JPH1: variants seen among roughly 807,000 people sequenced by gnomAD.
The protein encoded by JPH1 is junctophilin-1.
In JPH1, 12 loss-of-function variants were observed where a neutral mutation model predicts 53.6. That is an observed-to-expected ratio of 0.22 (90% CI 0.14 to 0.36). The LOEUF (loss-of-function observed/expected upper bound fraction) is 0.36. Ranked by LOEUF, JPH1 falls within the 10% of genes least tolerant of loss-of-function variation. The pLI, the probability that JPH1 is intolerant of heterozygous loss-of-function variation, is 1.00. For synonymous variants in JPH1, 375 were observed against 363.8 expected (o/e 1.03, Z -0.35); for missense variants, 808 against 905.5 (o/e 0.89, Z 1.38).
chr8:74,242,053 A>C (rs1805712293), intron 4 of JPH1, among the ~76,000 whole-genome samples: 1 of 152,118 alleles, frequency 6.6e-6, no homozygotes, highest in Non-Finnish European at 1.5e-5. Flanking sequence ...GGGGTCACAA[A>C]AGTTTCTTGA....
At position 74,245,040 on chromosome 8, in the gene JPH1, G is replaced by C. The variant is rs772446120; in HGVS notation, c.1394C>G (p.Ser465Cys). The change falls in exon 4 of 6, where the codon TCT (serine) becomes TGT (cysteine). Residue 465 changes from serine to cysteine, a missense_variant. By Grantham distance (112) the Ser-to-Cys change is moderately radical (BLOSUM62 -1). Around this residue, in one of 2 missense-constraint regions of JPH1, gnomAD observed 756 missense variants for 811.9 expected, o/e 0.93. Transcript: ENST00000342232. ...FYRKGTTPPR[S>C]PEASPKHSHS... The stretch of plus-strand genomic sequence containing the variant: ...GCTGTGTTTGGGACTTGCCTCAGGA[G>C]ATCTTGGGGGTGTCGTGCCTTTGCG... 6.2e-7 allele frequency: 1 copy of C among 1,614,036 alleles called. No homozygotes were observed. The highest frequency in any genetic ancestry group is 8.5e-7 in the Non-Finnish European group (1 of 1,180,006).
At position 74,312,410 on chromosome 8, in the gene JPH1, G is replaced by A. The variant is rs60747394; in HGVS notation, c.1139+2451C>T. On this transcript the variant is annotated intron_variant, in intron 2 of 5. Coordinates refer to ENST00000342232, the MANE Select transcript of JPH1 (RefSeq NM_020647.4). ...AGGACAGGTGTGCGCCACCGTGTCC[G>A]GCTAATTTTCTTATTTTTTGCAGAG... 6.2e-3 allele frequency among the ~76,000 whole-genome samples: 948 copies of A among 152,158 alleles called. 10 individuals carry two copies. Among genetic ancestry groups the A allele is most frequent in the African/African-American group, 0.021 (892 of 41,498 alleles).
At position 74,314,206 on chromosome 8, in the gene JPH1, T is replaced by C. The variant is rs183884407; in HGVS notation, c.1139+655A>G. ...CACCAGTGACCTAATCTCTTCTGCA[T>C]AGAATGTGGCGATTCTTGTAGGTCT... On this transcript the variant is annotated intron_variant, in intron 2 of 5. Coordinates refer to ENST00000342232, the MANE Select transcript of JPH1 (RefSeq NM_020647.4). Among the ~76,000 whole-genome samples the C allele has an allele frequency of 9.2e-5, 14 of 152,376 alleles. No individual in the cohort carries two copies. The East Asian group carries it at 1.5e-3, about 17-fold the overall frequency.
chr8:74,243,020 T>C (rs1008676813), intron 4 of JPH1, among the ~76,000 whole-genome samples: 1 of 152,234 alleles, frequency 6.6e-6, no homozygotes, highest in Non-Finnish European at 1.5e-5. Flanking sequence ...GGGCATACAC[T>C]TCCCCTTGTA....
At chr8:74,253,361 T>G (rs545467478) in intron 3 of JPH1, among the ~76,000 whole-genome samples, 2 of 151,810 alleles carry the variant, frequency 1.3e-5, no homozygotes, top group African/African-American at 4.8e-5. Context: ...AAAGACACAA[T>G]ATACCAGAAT....
At chr8:74,304,715 A>C (rs2131451348) in intron 2 of JPH1, among the ~76,000 whole-genome samples, 1 of 152,342 alleles carries the variant, frequency 6.6e-6, no homozygotes, top group South Asian at 2.1e-4. Context: ...AATATAGTAA[A>C]AGTCACCAAA....
rs1207473979 is a variant in JPH1, at chr8:74,321,526, C to G, written c.-239G>C. The G allele has an allele frequency of 1.1e-5, 5 of 435,628 alleles. No individual in the cohort carries two copies. Among genetic ancestry groups the G allele is most frequent in the Non-Finnish European group, 4.0e-6 (1 of 252,960 alleles). The allele number at this position is 435,628 out of a possible 1,614,324, so 27.0% of individuals were successfully genotyped here. On this transcript the variant is annotated 5_prime_UTR_variant, in exon 1 of 6. Transcript: ENST00000342232. This position sits in a 1 kb window ranked among gnomAD's most constrained non-coding sequence, Gnocchi z 4.3. ...CCTTCGCCGCCGCCGCCTGGGCCAG[C>G]GCCGCGCGCGAGAGGACAGCCCAGG... is the stretch of plus-strand genomic sequence containing the variant.
chr8:74,272,798 G>A (rs1440122416), intron 2 of JPH1, among the ~76,000 whole-genome samples: 1 of 151,882 alleles, frequency 6.6e-6, no homozygotes, highest in Non-Finnish European at 1.5e-5. Context: ...TAGAGACGGG[G>A]TTTCACCGTG....
chr8:74,236,859 G>A lies in JPH1; in HGVS notation c.*192C>T, dbSNP rs1439023352. Reference sequence around the variant, plus strand: ...ACCCCAAAGCCACAAAGCACTCCCAGGGGAACCGAACAGGTCCTCTGGCTG... The same window carrying A: ...ACCCCAAAGCCACAAAGCACTCCCAAGGGAACCGAACAGGTCCTCTGGCTG... On this transcript the variant is annotated 3_prime_UTR_variant, in exon 6 of 6. Transcript: ENST00000342232. 6 of 170,152 alleles carry A rather than the reference G, an allele frequency of 3.5e-5. No individual in the cohort carries two copies. The Admixed American group carries it at 3.8e-4, about 11-fold the overall frequency. The allele number at this position is 170,152 out of a possible 1,614,324, so 10.5% of individuals were successfully genotyped here. A position where few individuals can be genotyped will look rare whatever the true frequency, so the allele number is the denominator to read the frequency against.
chr8:74,244,950 T>C lies in JPH1; in HGVS notation c.1484A>G (p.Asn495Ser). Residue 495 changes from asparagine (N) to serine (S), a missense_variant, in exon 4 of 6, where the codon AAC (asparagine) becomes AGC (serine). Transcript: ENST00000342232. ...ATCAGCCACACTCCTTTTGTCTTGG[T>C]TGAGTCTCGCCCCTGAGCTGGGGTT... ...KQNPSSGARL[N>S]QDKRSVADEQ... 1.9e-6 allele frequency: 3 copies of C among 1,614,052 alleles called. No homozygotes were observed. The highest frequency in any genetic ancestry group is 1.6e-4 in the Middle Eastern group (1 of 6,062).
At chr8:74,281,195 A>T (rs1413827844) in intron 2 of JPH1, among the ~76,000 whole-genome samples, 1 of 152,242 alleles carries the variant, frequency 6.6e-6, no homozygotes, top group Admixed American at 6.5e-5. Context: ...ATGAACTTTC[A>T]CTAAATTGAT....
chr8:74,285,346 TA>T (rs1807132537), intron 2 of JPH1, among the ~76,000 whole-genome samples: 1 of 152,156 alleles, frequency 6.6e-6, no homozygotes, highest in South Asian at 2.1e-4. Flanking sequence ...TATATGTATT[TA>T]AAATATTTTC....
chr8:74,254,818 C>T (rs893348967), intron 3 of JPH1, among the ~76,000 whole-genome samples: 5 of 152,008 alleles, frequency 3.3e-5, no homozygotes, highest in African/African-American at 1.2e-4. Context: ...AATAAAATAC[C>T]TAGGAATCCA....
intron 2 of JPH1, among the ~76,000 whole-genome samples, chr8:74,306,163 C>T (rs1290248975): frequency 2.0e-5 from 3 of 152,152 alleles, no homozygotes; most frequent in Admixed American, 2.0e-4. Flanking sequence ...CAGGAGCTGG[C>T]CAGAGGAGTT....
chr8:74,271,787 C>T (rs1806708018), intron 2 of JPH1, among the ~76,000 whole-genome samples: 1 of 152,138 alleles, frequency 6.6e-6, no homozygotes, highest in Non-Finnish European at 1.5e-5. Flanking sequence ...GTGGGCTGAC[C>T]AGTAACCCTG....
At chr8:74,268,059 C>G (rs1806587025) in intron 2 of JPH1, among the ~76,000 whole-genome samples, 1 of 152,174 alleles carries the variant, frequency 6.6e-6, no homozygotes, top group African/African-American at 2.4e-5. Flanking sequence ...GCTAAATCAC[C>G]TTAGTCTCAA....
intron 2 of JPH1, among the ~76,000 whole-genome samples, chr8:74,311,371 G>T (rs1807988703): frequency 6.6e-6 from 1 of 152,002 alleles, no homozygotes; most frequent in Non-Finnish European, 1.5e-5. Flanking sequence ...ACCATAGAGG[G>T]GTCAGATAGA....
At chr8:74,310,791 C>T (rs1471773341) in intron 2 of JPH1, among the ~76,000 whole-genome samples, 2 of 152,182 alleles carry the variant, frequency 1.3e-5, no homozygotes, top group African/African-American at 2.4e-5. Context: ...ACCTTTGCTT[C>T]AAGATAAAAT....
intron 2 of JPH1, among the ~76,000 whole-genome samples, chr8:74,313,092 A>C (rs1266754143): frequency 6.6e-6 from 1 of 152,178 alleles, no homozygotes; most frequent in Non-Finnish European, 1.5e-5. Context: ...AACTAATGAT[A>C]AGTCGTTTGT....
Sources: allele counts gnomAD v4.1 joint callset (sites outside exome capture counted in the v4.1 genomes callset), GRCh38; gene constraint gnomAD v4.1.1; regional missense constraint gnomAD v4.1.1; non-coding constraint Gnocchi (gnomAD v3.1); transcripts MANE v1.5; gene names NCBI Gene and HGNC (gene_info 2026-07-23, HGNC 2026-07-21).